PSCA: variants seen among roughly 807,000 people sequenced by gnomAD.
PSCA encodes prostate stem cell antigen.
A neutral mutation model predicts 7.9 loss-of-function variants in PSCA; 7 were observed. The observed-to-expected ratio is 0.89, with a 90% confidence interval of 0.51 to 1.67. PSCA has a LOEUF of 1.67. PSCA is among the 40% of genes most tolerant of loss of function. PSCA has a pLI of 0.00. For missense variants in PSCA, 151 were observed against 147.9 expected (o/e 1.02, Z -0.11); for synonymous variants, 61 against 68.3 (o/e 0.89, Z 0.53).
upstream of PSCA, among the ~76,000 whole-genome samples, chr8:142,678,256 A>G (rs1212936704): frequency 6.6e-6 from 1 of 152,140 alleles, no homozygotes; most frequent in Non-Finnish European, 1.5e-5. Flanking sequence ...GTAACAATGA[A>G]GGCCGGACAA....
At chr8:142,680,717 A>C (rs2920279) in intron 1 of PSCA, 154 bp downstream of exon 1, 467,264 of 1,049,092 alleles carry the variant, frequency 0.45, 106,647 homozygotes, top group Admixed American at 0.54. Flanking sequence ...TCCTCCAGGG[A>C]AGCTCTTGGC....
intron 1 of PSCA, among the ~76,000 whole-genome samples, chr8:142,674,708 C>A (rs2129857976): frequency 6.6e-6 from 1 of 152,302 alleles, no homozygotes; most frequent in East Asian, 1.9e-4. Flanking sequence ...GTTCGCAGAG[C>A]AGAGCCCCCA....
upstream of PSCA, among the ~76,000 whole-genome samples, chr8:142,679,443 T>A (rs1847436633): frequency 6.6e-6 from 1 of 152,200 alleles, no homozygotes; most frequent in Admixed American, 6.5e-5. Flanking sequence ...GTAAAATATT[T>A]GAAGACATTT....
upstream of PSCA, among the ~76,000 whole-genome samples, chr8:142,678,612 C>T (rs1847424996): frequency 6.6e-6 from 1 of 152,206 alleles, no homozygotes; most frequent in Admixed American, 6.5e-5. Flanking sequence ...GGGACCTGGG[C>T]CTTCTCTAGA....
chr8:142,672,970 T>G (rs1369923890), intron 1 of PSCA, among the ~76,000 whole-genome samples: 3 of 152,196 alleles, frequency 2.0e-5, no homozygotes, highest in Non-Finnish European at 2.9e-5. Flanking sequence ...TGCTCCTTGC[T>G]GTACACATGG....
At chr8:142,676,730 A>G (rs1847405158), upstream of PSCA, 1 of 152,256 alleles carries the variant, frequency 6.6e-6, no homozygotes, top group Non-Finnish European at 1.5e-5. Context: ...ACCCCTGGCA[A>G]GATACAGCCG....
At position 142,680,624 on chromosome 8, in the gene PSCA, G is replaced by A. The variant is rs1554638215; in HGVS notation, c.25+61G>A. On this transcript the variant is annotated intron_variant, in intron 1 of 2. Transcript: ENST00000301258. Reference sequence around the variant, plus strand: ...CAGGGGTGAGCCGGGGAGGCCAGAGGGATACCTGCAGGGCACACGGAGAGG... The same window carrying A: ...CAGGGGTGAGCCGGGGAGGCCAGAGAGATACCTGCAGGGCACACGGAGAGG... 1.9e-6 allele frequency: 3 copies of A among 1,541,204 alleles called. No individual in the cohort carries two copies. In the African/African-American group the frequency reaches 4.1e-5, roughly 21 times the overall value.
rs1554637516 is a variant in PSCA at position 142,673,194 on chromosome 8, C to T, written n.261+2626C>T. ...AAAAGGAAAACCTTACTGAGGACTT[C>T]CTTACCCTCACTATCTGCCTAAATA... On this transcript the variant is annotated intron_variant and non_coding_transcript_variant, in intron 1 of 1. Transcript: ENST00000505305. This position sits in a 1 kb window ranked among gnomAD's most constrained non-coding sequence, Gnocchi z 4.6. 1.3e-5 allele frequency among the ~76,000 whole-genome samples: 2 copies of T among 152,216 alleles called. No individual in the cohort carries two copies. Among genetic ancestry groups the T allele is most frequent in the Admixed American group, 6.5e-5 (1 of 15,286 alleles).
chr8:142,670,793 A>G (rs1338460895), intron 1 of PSCA, among the ~76,000 whole-genome samples: 2 of 152,288 alleles, frequency 1.3e-5, no homozygotes, highest in South Asian at 4.1e-4. Flanking sequence ...TGAAGTTAAG[A>G]TTCTTTAGGT....
rs188948875 is a variant in PSCA at position 142,673,698 on chromosome 8, T to C, written n.261+3130T>C. ...GGTTGGCTGGGGATGTGGAAAATGG[T>C]CCTCCTGTGCACTGAGTTTGCGTCC... is the stretch of plus-strand genomic sequence containing the variant. On this transcript the variant is annotated intron_variant and non_coding_transcript_variant, in intron 1 of 1. Transcript: ENST00000505305. This position sits in a 1 kb window ranked among gnomAD's most constrained non-coding sequence, Gnocchi z 4.6. 2.2e-4 allele frequency among the ~76,000 whole-genome samples: 33 copies of C among 152,162 alleles called. No homozygotes were observed. Among genetic ancestry groups the C allele is most frequent in the African/African-American group, 8.0e-4 (33 of 41,428 alleles).
At chr8:142,674,391 G>T (rs1453154628) in intron 1 of PSCA, among the ~76,000 whole-genome samples, 7 of 149,268 alleles carry the variant, frequency 4.7e-5, no homozygotes, top group African/African-American at 1.8e-4. Context: ...GCAGAGCTCA[G>T]ATCCCCCATC....
At position 142,680,580 on chromosome 8, in the gene PSCA, C is replaced by T. The variant is rs1252229278; in HGVS notation, c.25+17C>T. 2 of 1,553,556 alleles carry T rather than the reference C, an allele frequency of 1.3e-6. No homozygotes were observed. Among genetic ancestry groups the T allele is most frequent in the East Asian group, 2.4e-5 (1 of 41,298 alleles). On this transcript the variant is annotated intron_variant, in intron 1 of 2. Coordinates refer to ENST00000301258, the MANE Select transcript of PSCA (RefSeq NM_005672.5). ...TGCAGCCAGGTGAGGCCTTGGCTGG[C>T]CCCCAGCAGGGAAGGGAGCAGGGGT...
rs782727641 is a variant in PSCA, at chr8:142,681,380, C to T, written c.79C>T (p.Leu27=). 1 of 1,591,384 alleles carries T rather than the reference C, an allele frequency of 6.3e-7. No individual in the cohort carries two copies. Among genetic ancestry groups the T allele is most frequent in the Non-Finnish European group, 8.6e-7 (1 of 1,169,176 alleles). The part of the protein sequence containing the change: ...CKAQVSNEDC[L]QVENCTQLGE... Reference sequence around the variant, plus strand: ...AGCCCAGGTGAGCAACGAGGACTGCCTGCAGGTGGAGAACTGCACCCAGCT... The same window carrying T: ...AGCCCAGGTGAGCAACGAGGACTGCTTGCAGGTGGAGAACTGCACCCAGCT... The change falls in exon 2 of 3, where the codon CTG becomes TTG. Residue 27 remains leucine (L), a synonymous_variant. Coordinates refer to ENST00000301258, the MANE Select transcript of PSCA (RefSeq NM_005672.5).
At chr8:142,680,619 C>T in intron 1 of PSCA, 56 bp downstream of exon 1, 1 of 1,544,616 alleles carries the variant, frequency 6.5e-7, no homozygotes, top group South Asian at 1.2e-5. Flanking sequence ...CCGGGGAGGC[C>T]AGAGGGATAC....
chr8:142,675,439 G>T (rs1306615699), intron 1 of PSCA, among the ~76,000 whole-genome samples: 1 of 152,220 alleles, frequency 6.6e-6, no homozygotes, highest in African/African-American at 2.4e-5. Flanking sequence ...GAGATGGGGA[G>T]GGCCTGTGGG....
At chr8:142,671,330 G>A (rs113739015) in intron 1 of PSCA, among the ~76,000 whole-genome samples, 14 of 152,276 alleles carry the variant, frequency 9.2e-5, no homozygotes, top group African/African-American at 2.6e-4. Flanking sequence ...GACTATGAGC[G>A]GCTTCTAGTG....
exon 1 of PSCA, chr8:142,670,308 G>A (rs1554637212): frequency 6.6e-6 from 1 of 152,318 alleles, no homozygotes; most frequent in Admixed American, 6.5e-5. Flanking sequence ...TTCCTTTCAT[G>A]ACAGTGAACC....
chr8:142,673,341 G>C lies in PSCA; in HGVS notation n.261+2773G>C, dbSNP rs1847357304. Among the ~76,000 whole-genome samples, 1 of 152,178 alleles carries C rather than the reference G, an allele frequency of 6.6e-6. No homozygotes were observed. Among genetic ancestry groups the C allele is most frequent in the Non-Finnish European group, 1.5e-5 (1 of 68,034 alleles). On this transcript the variant is annotated intron_variant and non_coding_transcript_variant, in intron 1 of 1. Transcript: ENST00000505305. The surrounding 1 kb of genome is among the most constrained non-coding windows in gnomAD (Gnocchi z 4.6). ...GCATGAAACTGGGGCCTCATCCCAAGATGCATGGGGCTCCTCCAGGTGCTC... is the reference window on the plus strand; with the variant it reads ...GCATGAAACTGGGGCCTCATCCCAACATGCATGGGGCTCCTCCAGGTGCTC...
At chr8:142,677,778 C>T (rs1847415757), upstream of PSCA, among the ~76,000 whole-genome samples, 1 of 152,150 alleles carries the variant, frequency 6.6e-6, no homozygotes, top group African/African-American at 2.4e-5. Flanking sequence ...CTGGGGGAGG[C>T]TGCAGTCACC....
Sources: allele counts gnomAD v4.1 joint callset (sites outside exome capture counted in the v4.1 genomes callset), GRCh38; gene constraint gnomAD v4.1.1; non-coding constraint Gnocchi (gnomAD v3.1); transcripts MANE v1.5; gene names NCBI Gene and HGNC (gene_info 2026-07-23, HGNC 2026-07-21).